The following ANO6 variants were observed in gnomAD, a reference collection of about 807,000 sequenced individuals.
The protein encoded by ANO6 is anoctamin 6, also known as anoctamin-6.
Under a neutral mutation model 117.5 loss-of-function variants are expected in ANO6, and 106 were observed. The ratio of observed to expected loss-of-function variants is 0.90; its 90% confidence interval spans 0.77 to 1.06. ANO6 has a LOEUF of 1.06. ANO6 is among the 50% of genes least tolerant of loss of function. The pLI is 0.00. For missense variants in ANO6, 955 were observed against 1,121.1 expected, an observed-to-expected ratio of 0.85 and a Z score of 2.12; for synonymous variants, 367 against 385.1, an observed-to-expected ratio of 0.95 and a Z score of 0.55.
intron 1 of ANO6, among the ~76,000 whole-genome samples, chr12:45,239,022 C>A (rs1208365584): frequency 6.6e-6 from 1 of 152,132 alleles, no homozygotes; most frequent in Non-Finnish European, 1.5e-5. Flanking sequence ...TGTATATCTG[C>A]CAGGCTTTGG....
chr12:45,348,724 T>G, intron 6 of ANO6, 93 bp downstream of exon 6: 1 of 963,712 alleles, frequency 1.0e-6, no homozygotes, highest in Non-Finnish European at 1.7e-6. Flanking sequence ...GTAAGTTTCT[T>G]CCTCAGTAAA....
chr12:45,396,928 A>G (rs966498180), intron 12 of ANO6, among the ~76,000 whole-genome samples: 7 of 152,228 alleles, frequency 4.6e-5, no homozygotes, highest in African/African-American at 1.7e-4. Flanking sequence ...GGCATGGGCA[A>G]GGACTTCAAC....
chr12:45,293,875 G>A (rs978303380), intron 1 of ANO6, among the ~76,000 whole-genome samples: 4 of 151,464 alleles, frequency 2.6e-5, no homozygotes. Context: ...GAGCCACTGC[G>A]CCCGGCCAAA....
Position 45,402,550 on chromosome 12 carries a change from C to T in ANO6, c.1613-522C>T, listed in dbSNP as rs189145786. ...CTTCCCACACTGCATACGTCTGAGT[C>T]GTTCCCTGAATGGCCTGCTCGGTGA... On this transcript the variant is annotated intron_variant, in intron 13 of 19. Transcript: ENST00000320560. Among the ~76,000 whole-genome samples the T allele has an allele frequency of 7.2e-5, 11 of 152,276 alleles. No individual in the cohort carries two copies. In the East Asian group the frequency reaches 1.4e-3, roughly 19 times the overall value.
At chr12:45,224,922 G>A (rs1403488759) in intron 1 of ANO6, among the ~76,000 whole-genome samples, 1 of 152,178 alleles carries the variant, frequency 6.6e-6, no homozygotes, top group African/African-American at 2.4e-5. Context: ...CGGACATGAT[G>A]GGTCATGCCT....
chr12:45,439,871 C>G, exon 20 of ANO6: 1 of 1,527,734 alleles, frequency 6.5e-7, no homozygotes, highest in South Asian at 1.3e-5. Flanking sequence ...TTTTCTGTTA[C>G]TTTCTTTTTC....
intron 2 of ANO6, among the ~76,000 whole-genome samples, chr12:45,303,880 G>T (rs188440546): frequency 2.7e-3 from 409 of 152,246 alleles, no homozygotes; most frequent in Non-Finnish European, 4.7e-3. Flanking sequence ...TCAGTCTCAC[G>T]CTTACAGAAT....
intron 3 of ANO6, among the ~76,000 whole-genome samples, chr12:45,334,649 CTT>C (rs776762295): frequency 1.6e-4 from 25 of 152,156 alleles, no homozygotes; most frequent in Non-Finnish European, 3.1e-4. Context: ...TCTTTCATCT[CTT>C]GAGTCACCTG....
At chr12:45,369,049 A>G (rs1184061382) in intron 9 of ANO6, among the ~76,000 whole-genome samples, 5 of 152,212 alleles carry the variant, frequency 3.3e-5, no homozygotes, top group Non-Finnish European at 7.3e-5. Context: ...CTGACATTGC[A>G]GGCACTTTAC....
chr12:45,225,361 A>AT (rs1947465846), intron 1 of ANO6, among the ~76,000 whole-genome samples: 1 of 152,076 alleles, frequency 6.6e-6, no homozygotes, highest in Non-Finnish European at 1.5e-5. Context: ...TTAGCTGTAC[A>AT]TCTTAACCAA....
intron 1 of ANO6, among the ~76,000 whole-genome samples, chr12:45,225,451 A>G (rs769547955): frequency 2.6e-5 from 4 of 152,012 alleles, no homozygotes; most frequent in Non-Finnish European, 5.9e-5. Context: ...TGTTTTTCAC[A>G]TAGTAGATGT....
At chr12:45,397,644 A>C (rs1416906975) in intron 12 of ANO6, among the ~76,000 whole-genome samples, 2 of 152,206 alleles carry the variant, frequency 1.3e-5, no homozygotes, top group Non-Finnish European at 2.9e-5. Context: ...ACCATGGAAT[A>C]CTATGCAGCC....
At chr12:45,322,769 T>TCAC (rs1371873357) in intron 2 of ANO6, among the ~76,000 whole-genome samples, 3 of 152,080 alleles carry the variant, frequency 2.0e-5, no homozygotes, top group Admixed American at 2.0e-4. Context: ...AAGTCAAAGG[T>TCAC]CACCTATATT....
chr12:45,391,339 G>T (rs1172884783), intron 12 of ANO6, among the ~76,000 whole-genome samples: 1 of 152,114 alleles, frequency 6.6e-6, no homozygotes, highest in African/African-American at 2.4e-5. Context: ...ATAATTTAGT[G>T]TGAGTTTTAA....
intron 10 of ANO6, among the ~76,000 whole-genome samples, chr12:45,382,801 C>A (rs1223425272): frequency 6.6e-6 from 1 of 152,212 alleles, no homozygotes; most frequent in East Asian, 1.9e-4. Context: ...TTTATTACTA[C>A]AAATGCTGAC....
In ANO6 at chr12:45,429,678, T is replaced by TAAA. The variant is rs1943589696; in HGVS notation, c.*367_*368insAAA. On this transcript the variant is annotated 3_prime_UTR_variant, in exon 20 of 20. Coordinates refer to ENST00000320560, the MANE Select transcript of ANO6 (RefSeq NM_001025356.3). ...TCTATTCTCAGGCGCATGATCTCCT[T>TAAA]TATTTTTAAGCCATGTTTCATTTCT... is the stretch of plus-strand genomic sequence containing the variant. 8.9e-7 allele frequency: 1 copy of TAAA among 1,122,740 alleles called. No individual in the cohort carries two copies. Among genetic ancestry groups the TAAA allele is most frequent in the Admixed American group, 4.8e-5 (1 of 20,726 alleles). 69.5% of individuals were successfully genotyped at this position (1,122,740 alleles called of 1,614,324 possible).
intron 1 of ANO6, among the ~76,000 whole-genome samples, chr12:45,284,953 T>C (rs905385879): frequency 6.6e-6 from 1 of 152,236 alleles, no homozygotes; most frequent in Non-Finnish European, 1.5e-5. Context: ...TTTCTGTTAT[T>C]TCTGTAATTA....
intron 1 of ANO6, among the ~76,000 whole-genome samples, chr12:45,270,110 C>T (rs1179717008): frequency 6.6e-6 from 1 of 152,196 alleles, no homozygotes; most frequent in Non-Finnish European, 1.5e-5. Flanking sequence ...CCTGAGAGCT[C>T]ATCTCATCCA....
intron 19 of ANO6, among the ~76,000 whole-genome samples, chr12:45,437,423 TTA>T (rs139729550): frequency 0.013 from 2,007 of 152,364 alleles, 37 homozygotes; most frequent in African/African-American, 0.046. Context: ...TTACAACATT[TTA>T]TGTTTTACAT....
Sources: gnomAD v4.1 joint callset for allele counts (sites outside exome capture counted in the v4.1 genomes callset) on GRCh38, gnomAD v4.1.1 for gene constraint, MANE v1.5 for transcripts, NCBI Gene and HGNC (gene_info 2026-07-23, HGNC 2026-07-21) for gene names.